The following SH3GL3 variants were observed in gnomAD, a reference collection of about 807,000 sequenced individuals.
SH3GL3 encodes endophilin-A3.
Under a neutral mutation model 47.7 loss-of-function variants are expected in SH3GL3, and 33 were observed. The observed-to-expected ratio is 0.69, with a 90% CI of 0.52 to 0.92. The LOEUF is 0.92. SH3GL3 is among the 40% of genes least tolerant of loss of function. The pLI, the probability that SH3GL3 is intolerant of heterozygous loss-of-function variation, is 0.00. For missense variants in SH3GL3, 363 were observed against 417.8 expected, an observed-to-expected ratio of 0.87 and a Z score of 1.14; for synonymous variants, 155 against 148.8, an observed-to-expected ratio of 1.04 and a Z score of -0.30.
chr15:83,465,619 A>G (rs1010085972), intron 1 of SH3GL3, among the ~76,000 whole-genome samples: 1 of 151,982 alleles, frequency 6.6e-6, no homozygotes, highest in Non-Finnish European at 1.5e-5. Context: ...TGTCATTCAC[A>G]TCATAGCACA....
intron 8 of SH3GL3, among the ~76,000 whole-genome samples, 154 bp from the exon 9 acceptor site, chr15:83,617,928 C>T (rs1410609527): frequency 1.3e-5 from 2 of 152,264 alleles, no homozygotes; most frequent in Admixed American, 1.3e-4. Context: ...AGCCAGAGAC[C>T]ACAAACGGCA....
chr15:83,524,524 A>G (rs1163038628), intron 1 of SH3GL3, among the ~76,000 whole-genome samples: 1 of 152,144 alleles, frequency 6.6e-6, no homozygotes, highest in Non-Finnish European at 1.5e-5. Context: ...GGAACATTTC[A>G]GGTCATTCTC....
At chr15:83,564,562 T>C (rs915761106) in intron 2 of SH3GL3, among the ~76,000 whole-genome samples, 3 of 152,236 alleles carry the variant, frequency 2.0e-5, no homozygotes, top group African/African-American at 7.2e-5. Context: ...GAAGGAAAGA[T>C]TCAGTCTTAA....
chr15:83,613,538 A>G (rs2060726402), intron 8 of SH3GL3, among the ~76,000 whole-genome samples: 1 of 152,192 alleles, frequency 6.6e-6, no homozygotes, highest in East Asian at 1.9e-4. Context: ...GGTGGTGCAT[A>G]CACTTGGACA....
At chr15:83,537,328 T>C (rs1041714199) in intron 1 of SH3GL3, among the ~76,000 whole-genome samples, 2 of 152,196 alleles carry the variant, frequency 1.3e-5, no homozygotes, top group African/African-American at 2.4e-5. Flanking sequence ...TGGGGACAAA[T>C]GCCCCAGTTG....
intron 1 of SH3GL3, among the ~76,000 whole-genome samples, chr15:83,498,772 A>G (rs923889666): frequency 3.9e-5 from 6 of 152,158 alleles, no homozygotes; most frequent in Non-Finnish European, 7.4e-5. Context: ...TAAAACAGGA[A>G]TGGTCACCCC....
chr15:83,560,904 A>G (rs908851496), intron 2 of SH3GL3, among the ~76,000 whole-genome samples: 1 of 152,208 alleles, frequency 6.6e-6, no homozygotes, highest in African/African-American at 2.4e-5. Context: ...CTTTTTAATT[A>G]TAAAAAGATA....
chr15:83,616,185 A>T (rs929874714), intron 8 of SH3GL3, among the ~76,000 whole-genome samples: 2 of 151,662 alleles, frequency 1.3e-5, no homozygotes, highest in Admixed American at 1.3e-4. Flanking sequence ...AAAAATAGTG[A>T]TATTAGGTTG....
rs1414993554 is a variant in SH3GL3 at position 83,448,441 on chromosome 15, G to GGTGTGT, written c.45+863_45+864insGTGTGT. On this transcript the variant is annotated intron_variant, in intron 1 of 8. Transcript: ENST00000427482. This position sits in a 1 kb window ranked among gnomAD's most constrained non-coding sequence, Gnocchi z 4.2. ...AAAACAGGAGGGGAGACATGAAATT[G>GGTGTGT]ATGTGTGTGTGTGTGTGTGTGTGTG... 1.5e-5 allele frequency among the ~76,000 whole-genome samples: 1 copy of GGTGTGT among 68,598 alleles called. No homozygotes were observed. Among genetic ancestry groups the GGTGTGT allele is most frequent in the Non-Finnish European group, 2.8e-5 (1 of 35,896 alleles). The allele number at this position is 68,598 out of a possible 152,430, so 45.0% of individuals were successfully genotyped here.
intron 6 of SH3GL3, among the ~76,000 whole-genome samples, chr15:83,585,909 C>A (rs1396239865): frequency 5.3e-5 from 8 of 152,170 alleles, no homozygotes. Flanking sequence ...TTTGCAACTA[C>A]AAATGAAAGT....
chr15:83,447,494 GA>G lies in SH3GL3; in HGVS notation c.-39del. The G allele has an allele frequency of 6.8e-7, 1 of 1,476,676 alleles. No individual in the cohort carries two copies. Among genetic ancestry groups the G allele is most frequent in the Non-Finnish European group, 9.0e-7 (1 of 1,109,744 alleles). The allele number at this position is 1,476,676 out of a possible 1,614,324, so 91.5% of individuals were successfully genotyped here. ...CGCGTCGCGGCCGCGTGGCCCAGCCGAGCCTTGAGACCACCCCGCCCCTGCC... is the reference window on the plus strand; with the variant it reads ...CGCGTCGCGGCCGCGTGGCCCAGCCGGCCTTGAGACCACCCCGCCCCTGCC... On this transcript the variant is annotated 5_prime_UTR_variant, in exon 1 of 9. Coordinates refer to ENST00000427482, the MANE Select transcript of SH3GL3 (RefSeq NM_003027.5). This position sits in a 1 kb window ranked among gnomAD's most constrained non-coding sequence, Gnocchi z 5.1.
At chr15:83,540,369 G>A (rs1381646067) in intron 1 of SH3GL3, among the ~76,000 whole-genome samples, 1 of 152,052 alleles carries the variant, frequency 6.6e-6, no homozygotes, top group Non-Finnish European at 1.5e-5. Flanking sequence ...TTGCTGAAAG[G>A]TGTATTAAAA....
rs527492966 is a variant in SH3GL3, at chr15:83,584,868, C to G, written c.625-2115C>G. Among the ~76,000 whole-genome samples, 15 of 152,340 alleles carry G rather than the reference C, an allele frequency of 9.8e-5. No homozygotes were observed. In the East Asian group the frequency reaches 2.7e-3, roughly 27 times the overall value. On this transcript the variant is annotated intron_variant, in intron 6 of 8. Transcript: ENST00000427482. The stretch of plus-strand genomic sequence containing the variant: ...ATTCAACAGATGGACTGCTGAAATT[C>G]CAACAATGGAAGAAATGTTTTACCT...
intron 3 of SH3GL3, among the ~76,000 whole-genome samples, chr15:83,567,231 C>T (rs1270320135): frequency 6.6e-6 from 1 of 152,118 alleles, no homozygotes; most frequent in Non-Finnish European, 1.5e-5. Flanking sequence ...CCACAGTATT[C>T]CCTCTTCTAC....
At chr15:83,610,536 AAAAAGG>A (rs568963111) in intron 8 of SH3GL3, among the ~76,000 whole-genome samples, 61 of 152,224 alleles carry the variant, frequency 4.0e-4, no homozygotes, top group Non-Finnish European at 7.9e-4. Context: ...TCAAAAAAGA[AAAAAGG>A]AAAAGGAAAA....
intron 1 of SH3GL3, among the ~76,000 whole-genome samples, chr15:83,526,845 A>G (rs1283070899): frequency 6.6e-6 from 1 of 152,112 alleles, no homozygotes; most frequent in Non-Finnish European, 1.5e-5. Context: ...CTTCTAACTC[A>G]TGATCATAGG....
At chr15:83,588,878 ATCTTTCTTTGGTTGTTTGGTAAAT>A in intron 8 of SH3GL3, 107 bp downstream of exon 8, 1 of 669,340 alleles carries the variant, frequency 1.5e-6, no homozygotes, top group East Asian at 2.7e-5. Context: ...GACCCTGGAT[ATCTTTCTTTGGTTGTTTGGTAAAT>A]TCCCTTTTCC....
intron 1 of SH3GL3, among the ~76,000 whole-genome samples, chr15:83,508,453 A>G (rs2042606330): frequency 6.6e-6 from 1 of 152,016 alleles, no homozygotes; most frequent in South Asian, 2.1e-4. Context: ...TGAGGGAGTC[A>G]AGGTTGGTTA....
Position 83,591,988 on chromosome 15 carries a change from T to A in SH3GL3, c.838+3217T>A, listed in dbSNP as rs549386221. On this transcript the variant is annotated intron_variant, in intron 8 of 8. Coordinates refer to ENST00000427482, the MANE Select transcript of SH3GL3 (RefSeq NM_003027.5). The stretch of plus-strand genomic sequence containing the variant: ...AGGCCGGGCCATGTGTATACATTTT[T>A]AAAAAAAACATGGTGCAAGCTTTTT... Among the ~76,000 whole-genome samples, 76 of 152,236 alleles carry A rather than the reference T, an allele frequency of 5.0e-4. 1 individual carries two copies. In the East Asian group the frequency reaches 0.012, roughly 24 times the overall value.
Sources: allele counts gnomAD v4.1 joint callset (sites outside exome capture counted in the v4.1 genomes callset), GRCh38; gene constraint gnomAD v4.1.1; non-coding constraint Gnocchi (gnomAD v3.1); transcripts MANE v1.5; gene names NCBI Gene and HGNC (gene_info 2026-07-23, HGNC 2026-07-21).